Variants in CTNNA3 observed in about 807,000 individuals in gnomAD.
CTNNA3 encodes the protein catenin alpha 3, also known as catenin alpha-3.
CTNNA3 carries 76 observed loss-of-function variants against 95.7 expected under a neutral mutation model. The ratio of observed to expected loss-of-function variants is 0.79; its 90% CI spans 0.66 to 0.96. The LOEUF is 0.96. CTNNA3 is among the 40% of genes least tolerant of loss of function. The probability of loss-of-function intolerance (pLI) is 0.00; values close to 1 mark genes in which losing one functional copy is unlikely to be tolerated. For synonymous variants in CTNNA3, 431 were observed against 374.4 expected, an observed-to-expected ratio of 1.15 and a Z score of -1.74; for missense variants, 1,191 against 1,089.8, an observed-to-expected ratio of 1.09 and a Z score of -1.31.
chr10:65,957,546 T>C (rs990722917), intron 17 of CTNNA3, among the ~76,000 whole-genome samples: 1 of 152,332 alleles, frequency 6.6e-6, no homozygotes, highest in African/African-American at 2.4e-5. Context: ...CCTTTCCATG[T>C]TTAGTGCTTC....
intron 7 of CTNNA3, among the ~76,000 whole-genome samples, chr10:67,127,746 A>T (rs929099755): frequency 2.6e-5 from 4 of 151,890 alleles, no homozygotes; most frequent in African/African-American, 9.7e-5. Context: ...TCTCACCCTC[A>T]CTCATTTTTT....
At chr10:67,333,246 C>T (rs1564573633) in intron 5 of CTNNA3, among the ~76,000 whole-genome samples, 2 of 152,110 alleles carry the variant, frequency 1.3e-5, no homozygotes, top group African/African-American at 2.4e-5. Context: ...GATGACCAAA[C>T]AGAACTAAGA....
chr10:66,176,204 ATAAT>A (rs965247062), intron 13 of CTNNA3, among the ~76,000 whole-genome samples: 2 of 152,166 alleles, frequency 1.3e-5, no homozygotes, highest in African/African-American at 4.8e-5. Flanking sequence ...GTGAAAGAGT[ATAAT>A]TATACAATTA....
intron 11 of CTNNA3, among the ~76,000 whole-genome samples, chr10:66,389,175 T>C (rs1428614068): frequency 1.3e-5 from 2 of 152,076 alleles, no homozygotes; most frequent in Non-Finnish European, 2.9e-5. Flanking sequence ...GTTTACTCTT[T>C]AAACACAGCA....
rs1245564185 is a variant in CTNNA3 at position 67,561,204 on chromosome 10, C to T, written c.293-21535G>A. ...ATATACATTCTTCTCAGCACCACAT[C>T]GCACTTATTACAAAATTGACAACAT... On this transcript the variant is annotated intron_variant, in intron 3 of 17. Transcript: ENST00000433211. 1.4e-5 allele frequency among the ~76,000 whole-genome samples: 2 copies of T among 142,252 alleles called. 1 individual carries two copies. The highest frequency in any genetic ancestry group is 1.4e-4 in the Admixed American group (2 of 14,692). 93.3% of individuals were successfully genotyped at this position (142,252 alleles called of 152,430 possible).
chr10:65,934,052 T>A (rs2077296549), intron 17 of CTNNA3, among the ~76,000 whole-genome samples: 1 of 152,154 alleles, frequency 6.6e-6, no homozygotes, highest in Non-Finnish European at 1.5e-5. Context: ...CACATAACAG[T>A]AAGAAACAAA....
intron 17 of CTNNA3, among the ~76,000 whole-genome samples, chr10:65,947,464 A>C (rs2133197112): frequency 6.6e-6 from 1 of 152,304 alleles, no homozygotes; most frequent in Non-Finnish European, 1.5e-5. Context: ...TTTAATGAGC[A>C]CCTGCTACAT....
intron 7 of CTNNA3, among the ~76,000 whole-genome samples, chr10:66,903,603 T>C (rs760358367): frequency 2.6e-5 from 4 of 152,188 alleles, no homozygotes; most frequent in Non-Finnish European, 4.4e-5. Context: ...TGTTTGCAGA[T>C]GACATGATTA....
intron 13 of CTNNA3, among the ~76,000 whole-genome samples, chr10:66,128,727 A>C (rs1004776479): frequency 6.6e-6 from 1 of 152,184 alleles, no homozygotes; most frequent in African/African-American, 2.4e-5. Flanking sequence ...TTAATGTCCA[A>C]ACTCATAAAT....
chr10:67,550,395 A>C (rs569098590), intron 3 of CTNNA3, among the ~76,000 whole-genome samples: 1 of 152,310 alleles, frequency 6.6e-6, no homozygotes, highest in South Asian at 2.1e-4. Flanking sequence ...GTCAACAGCC[A>C]GCTCATCTAC....
intron 3 of CTNNA3, among the ~76,000 whole-genome samples, chr10:67,587,982 G>A (rs1842685775): frequency 6.6e-6 from 1 of 151,826 alleles, no homozygotes; most frequent in Non-Finnish European, 1.5e-5. Flanking sequence ...TTTCTACGTA[G>A]TCTAGTCTAT....
chr10:66,153,394 A>C (rs1376502053), intron 13 of CTNNA3, among the ~76,000 whole-genome samples: 1 of 151,854 alleles, frequency 6.6e-6, no homozygotes, highest in East Asian at 1.9e-4. Context: ...TATTCCTCCA[A>C]AGAAAGATAC....
At chr10:66,917,976 A>G (rs1211986723) in intron 7 of CTNNA3, among the ~76,000 whole-genome samples, 1 of 152,218 alleles carries the variant, frequency 6.6e-6, no homozygotes, top group Admixed American at 6.5e-5. Context: ...GTGAGAAAAT[A>G]CAGGAAATTT....
chr10:66,010,942 A>T lies in CTNNA3; in HGVS notation c.2160-22145T>A, dbSNP rs150254277. ...CTAAGAAGAGATTCTTAGTAGGCAT[A>T]AGCCTATGTTCTTGCTGCGGTTTCT... On this transcript the variant is annotated intron_variant, in intron 15 of 17. Coordinates refer to ENST00000433211, the MANE Select transcript of CTNNA3 (RefSeq NM_013266.4). Among the ~76,000 whole-genome samples, 283 of 152,342 alleles carry T rather than the reference A, an allele frequency of 1.9e-3. 3 individuals carry two copies. The highest frequency in any genetic ancestry group is 6.3e-3 in the African/African-American group (260 of 41,586).
At chr10:66,450,604 T>C (rs1002054866) in intron 11 of CTNNA3, among the ~76,000 whole-genome samples, 4 of 151,970 alleles carry the variant, frequency 2.6e-5, no homozygotes, top group African/African-American at 9.7e-5. Context: ...GGTAAGAAAA[T>C]GTTCCCTAGA....
At chr10:67,476,675 T>A (rs1001969666) in intron 5 of CTNNA3, among the ~76,000 whole-genome samples, 8 of 150,876 alleles carry the variant, frequency 5.3e-5, no homozygotes, top group African/African-American at 2.0e-4. Flanking sequence ...ACTTCAGATC[T>A]CCAGGTGTTT....
chr10:66,493,427 C>T (rs1186289024), intron 11 of CTNNA3, among the ~76,000 whole-genome samples: 2 of 152,066 alleles, frequency 1.3e-5, no homozygotes, highest in African/African-American at 2.4e-5. Flanking sequence ...CTTGAACCTA[C>T]ATCCATCTAC....
chr10:67,091,064 G>A (rs1392584752), intron 7 of CTNNA3, among the ~76,000 whole-genome samples: 2 of 151,994 alleles, frequency 1.3e-5, no homozygotes, highest in Non-Finnish European at 2.9e-5. Flanking sequence ...CAAAGGGACA[G>A]CTTTCTATTT....
At chr10:66,159,631 T>G (rs1323091953) in intron 13 of CTNNA3, among the ~76,000 whole-genome samples, 8 of 150,050 alleles carry the variant, frequency 5.3e-5, no homozygotes, top group African/African-American at 1.9e-4. Flanking sequence ...TTTCTGTTTT[T>G]TTTTTTTTTT....
Sources: allele counts gnomAD v4.1 joint callset (sites outside exome capture counted in the v4.1 genomes callset), GRCh38; gene constraint gnomAD v4.1.1; transcripts MANE v1.5; gene names NCBI Gene and HGNC (gene_info 2026-07-23, HGNC 2026-07-21).